ADK: variants seen among roughly 807,000 people sequenced by gnomAD.
The protein encoded by ADK is N6,N6-dimethyladenosine kinase.
In ADK, 24 loss-of-function variants were observed where a neutral mutation model predicts 44.7. The observed-to-expected ratio is 0.54, with a 90% CI of 0.39 to 0.76. The LOEUF (loss-of-function observed/expected upper bound fraction) is 0.76, where lower values mean the gene tolerates loss of function less well. Ranked by LOEUF, ADK falls within the 30% of genes least tolerant of loss-of-function variation. ADK has a pLI of 0.00. For synonymous variants in ADK, 128 were observed against 142.6 expected (o/e 0.90, Z 0.73); for missense variants, 321 against 425.1 (o/e 0.76, Z 2.15).
At chr10:74,403,076 A>G (rs548487624) in intron 6 of ADK, among the ~76,000 whole-genome samples, 3 of 152,198 alleles carry the variant, frequency 2.0e-5, no homozygotes, top group East Asian at 1.9e-4. Context: ...CAGAACAGCA[A>G]ATGTTGCTGC....
At chr10:74,206,836 T>C (rs1278317172) in intron 2 of ADK, among the ~76,000 whole-genome samples, 1 of 152,210 alleles carries the variant, frequency 6.6e-6, no homozygotes, top group Non-Finnish European at 1.5e-5. Flanking sequence ...TGTGTGATGA[T>C]GTCACAGGAT....
At chr10:74,308,451 G>T (rs994193883) in intron 3 of ADK, among the ~76,000 whole-genome samples, 4 of 152,150 alleles carry the variant, frequency 2.6e-5, no homozygotes, top group African/African-American at 9.7e-5. Flanking sequence ...TGACATTTGA[G>T]TTTTTTAAAA....
intron 6 of ADK, among the ~76,000 whole-genome samples, chr10:74,425,232 A>G (rs1198867529): frequency 6.6e-6 from 1 of 152,206 alleles, no homozygotes; most frequent in African/African-American, 2.4e-5. Context: ...CCAGATCCAT[A>G]AACCTTCATG....
intron 2 of ADK, among the ~76,000 whole-genome samples, chr10:74,212,824 T>C (rs1843867522): frequency 3.9e-3 from 1 of 258 alleles, no homozygotes; most frequent in African/African-American, 0.014. Flanking sequence ...TATGATAGAA[T>C]GGTTGGGAAG....
chr10:74,670,177 T>C lies in ADK; in HGVS notation c.878-6T>C, dbSNP rs1855117602. The C allele has an allele frequency of 6.2e-7, 1 of 1,612,760 alleles. No individual in the cohort carries two copies. The highest frequency in any genetic ancestry group is 8.5e-7 in the Non-Finnish European group (1 of 1,178,868). ...TCATTCTGCCTTTCTTTGGCTCTAA[T>C]TGCAGAAAGTGAAGTCACTGCTTTT... On this transcript the variant is annotated splice_region_variant and splice_polypyrimidine_tract_variant and intron_variant, in intron 9 of 10. Transcript: ENST00000539909.
In ADK at chr10:74,238,856, C is replaced by CTTTTTTTT. The variant is rs752385282; in HGVS notation, c.194+14282_194+14289dup. Among the ~76,000 whole-genome samples, 350 of 88,178 alleles carry CTTTTTTTT rather than the reference C, an allele frequency of 4.0e-3. 33 individuals carry two copies. Among genetic ancestry groups the CTTTTTTTT allele is most frequent in the African/African-American group, 0.015 (324 of 21,000 alleles). The allele number at this position is 88,178 out of a possible 152,430, so 57.8% of individuals were successfully genotyped here. A position where few individuals can be genotyped will look rare whatever the true frequency, so the allele number is the denominator to read the frequency against. Reference sequence around the variant, plus strand: ...TTGAAAACTGCCACTTTAGCTAGTGCTTTTTTTTTTTTTTTTTTTTTTTTA... The same window carrying CTTTTTTTT: ...TTGAAAACTGCCACTTTAGCTAGTGCTTTTTTTTTTTTTTTTTTTTTTTTTTTTTTTTA... On this transcript the variant is annotated intron_variant, in intron 3 of 10. Coordinates refer to ENST00000539909, the MANE Select transcript of ADK (RefSeq NM_006721.4).
At chr10:74,619,914 G>T (rs1165612450) in intron 9 of ADK, among the ~76,000 whole-genome samples, 1 of 152,018 alleles carries the variant, frequency 6.6e-6, no homozygotes, top group Non-Finnish European at 1.5e-5. Context: ...TAGAGATGAG[G>T]TCTCGCTGTG....
chr10:74,664,130 TA>T (rs1208456552), intron 9 of ADK, among the ~76,000 whole-genome samples: 2 of 152,198 alleles, frequency 1.3e-5, no homozygotes, highest in Admixed American at 1.3e-4. Context: ...GAAAATAGCC[TA>T]AAAGTCCATC....
rs768849944 is a variant in ADK at position 74,215,521 on chromosome 10, C to T, written c.141-9017C>T. Among the ~76,000 whole-genome samples, 15 of 152,056 alleles carry T rather than the reference C, an allele frequency of 9.9e-5. No individual in the cohort carries two copies. In the East Asian group the frequency reaches 1.2e-3, roughly 12 times the overall value. On this transcript the variant is annotated intron_variant, in intron 2 of 10. Transcript: ENST00000539909. Reference sequence around the variant, plus strand: ...AGATGGGGTTTTGCTGATGGGGTTTCGCTGTGTTGGCCAGGCTGGTCTCAA... The same window carrying T: ...AGATGGGGTTTTGCTGATGGGGTTTTGCTGTGTTGGCCAGGCTGGTCTCAA...
chr10:74,511,752 A>G (rs982903336), intron 6 of ADK, among the ~76,000 whole-genome samples: 2 of 152,146 alleles, frequency 1.3e-5, no homozygotes, highest in African/African-American at 4.8e-5. Flanking sequence ...GCAAATAGGG[A>G]CAATTTAACT....
At chr10:74,414,230 G>T (rs1045543075) in intron 6 of ADK, among the ~76,000 whole-genome samples, 1 of 152,050 alleles carries the variant, frequency 6.6e-6, no homozygotes, top group African/African-American at 2.4e-5. Context: ...TAATAAAAAG[G>T]TATCTGTGAA....
intron 1 of ADK, among the ~76,000 whole-genome samples, chr10:74,157,621 G>C (rs2132030500): frequency 6.6e-6 from 1 of 151,986 alleles, no homozygotes; most frequent in East Asian, 1.9e-4. Flanking sequence ...GCTCATGCCG[G>C]TAATTCCAGT....
At chr10:74,474,963 TAA>T (rs1207114707) in intron 6 of ADK, among the ~76,000 whole-genome samples, 1 of 152,014 alleles carries the variant, frequency 6.6e-6, no homozygotes, top group Admixed American at 6.5e-5. Context: ...CCGTCTCTAC[TAA>T]AAATACAAAA....
At chr10:74,528,139 G>T in intron 7 of ADK, 1 of 1,058,224 alleles carries the variant, frequency 9.4e-7, no homozygotes, top group Non-Finnish European at 1.4e-6. Flanking sequence ...GAACAAACCT[G>T]AAAGTATAGA....
chr10:74,309,288 T>C (rs1241913329), intron 3 of ADK, among the ~76,000 whole-genome samples: 4 of 152,158 alleles, frequency 2.6e-5, no homozygotes, highest in Non-Finnish European at 1.5e-5. Context: ...TTAAAAGTAA[T>C]ACATTTAGTT....
chr10:74,377,393 A>G (rs992871965), intron 4 of ADK, among the ~76,000 whole-genome samples: 1 of 152,208 alleles, frequency 6.6e-6, no homozygotes, highest in Non-Finnish European at 1.5e-5. Context: ...TTAACAGGTT[A>G]TAGGAGGAGC....
chr10:74,188,353 T>TTAA (rs1564580863), intron 1 of ADK, among the ~76,000 whole-genome samples: 1 of 126,500 alleles, frequency 7.9e-6, no homozygotes, highest in African/African-American at 4.5e-5. Flanking sequence ...ATTTTTTTTT[T>TTAA]TTTTTTTTTT....
At chr10:74,314,366 C>T (rs1029575049) in intron 3 of ADK, among the ~76,000 whole-genome samples, 3 of 152,042 alleles carry the variant, frequency 2.0e-5, no homozygotes, top group South Asian at 2.1e-4. Context: ...CAGTTTGCCA[C>T]GTGACCTCCA....
chr10:74,670,895 A>C (rs573980921), intron 10 of ADK, among the ~76,000 whole-genome samples: 9 of 152,248 alleles, frequency 5.9e-5, no homozygotes, highest in Admixed American at 2.0e-4. Context: ...TCTTTTGATA[A>C]GTCTAAATTC....
Sources: allele counts gnomAD v4.1 joint callset (sites outside exome capture counted in the v4.1 genomes callset), GRCh38; gene constraint gnomAD v4.1.1; transcripts MANE v1.5; gene names NCBI Gene and HGNC (gene_info 2026-07-23, HGNC 2026-07-21).